CYP26B1: variants seen among roughly 807,000 people sequenced by gnomAD.
The protein encoded by CYP26B1 is cytochrome P450 family 26 subfamily B member 1, also known as cytochrome P450 26B1.
CYP26B1 carries 8 observed loss-of-function variants against 39.1 expected under a neutral mutation model. The observed-to-expected ratio is 0.20, with a 90% confidence interval of 0.12 to 0.37. The LOEUF (loss-of-function observed/expected upper bound fraction) is 0.37. Ranked by LOEUF, CYP26B1 falls within the 10% of genes least tolerant of loss-of-function variation. The pLI, the probability that CYP26B1 is intolerant of heterozygous loss-of-function variation, is 1.00. For synonymous variants in CYP26B1, 321 were observed against 314.3 expected, an observed-to-expected ratio of 1.02 and a Z score of -0.23; for missense variants, 615 against 707.0, an observed-to-expected ratio of 0.87 and a Z score of 1.48.
intron 2 of CYP26B1, among the ~76,000 whole-genome samples, chr2:72,136,267 G>A (rs1216279706): frequency 1.3e-5 from 2 of 152,192 alleles, no homozygotes; most frequent in East Asian, 3.8e-4. Flanking sequence ...AGGCTGGGAG[G>A]GGAGGGACAG....
chr2:72,137,586 C>T (rs930847958), intron 2 of CYP26B1, among the ~76,000 whole-genome samples: 17 of 152,238 alleles, frequency 1.1e-4, no homozygotes, highest in Admixed American at 2.0e-4. Flanking sequence ...CGCAGGGCCC[C>T]CACCTCACCC....
Position 72,131,368 on chromosome 2 carries a change from C to T in CYP26B1, c.*859G>A, listed in dbSNP as rs1676569336. ...CCTTCCTCTTCACTCACAGAAGTCT[C>T]GCCAGGACAGCTAGAACACAGGCTA... On this transcript the variant is annotated 3_prime_UTR_variant, in exon 6 of 6. Transcript: ENST00000001146. 6.6e-6 allele frequency: 1 copy of T among 152,260 alleles called. No individual in the cohort carries two copies. Among genetic ancestry groups the T allele is most frequent in the Non-Finnish European group, 1.5e-5 (1 of 68,078 alleles). 9.4% of individuals were successfully genotyped at this position (152,260 alleles called of 1,614,324 possible). A position where few individuals can be genotyped will look rare whatever the true frequency, so the allele number is the denominator to read the frequency against.
chr2:72,145,550 T>TG (rs1332195078), intron 1 of CYP26B1, among the ~76,000 whole-genome samples: 1 of 152,154 alleles, frequency 6.6e-6, no homozygotes, highest in Non-Finnish European at 1.5e-5. Flanking sequence ...ACAGAAGGGG[T>TG]GGTGAGGCGA....
In CYP26B1 at chr2:72,129,915, G is replaced by T. The variant is rs1676513396; in HGVS notation, c.*2312C>A. Reference sequence around the variant, plus strand: ...CAATTACAACACAGGGATCCTGTCAGCCAGCCAGAGCTTTCTTCAGCTCTC... The same window carrying T: ...CAATTACAACACAGGGATCCTGTCATCCAGCCAGAGCTTTCTTCAGCTCTC... On this transcript the variant is annotated 3_prime_UTR_variant, in exon 6 of 6. Coordinates refer to ENST00000001146, the MANE Select transcript of CYP26B1 (RefSeq NM_019885.4). The T allele has an allele frequency of 6.6e-6, 1 of 152,252 alleles. No individual in the cohort carries two copies. Among genetic ancestry groups the T allele is most frequent in the Non-Finnish European group, 1.5e-5 (1 of 68,086 alleles). The allele number at this position is 152,252 out of a possible 1,614,324, so 9.4% of individuals were successfully genotyped here.
intron 1 of CYP26B1, among the ~76,000 whole-genome samples, chr2:72,145,239 C>T (rs1292383882): frequency 6.6e-6 from 1 of 152,214 alleles, no homozygotes; most frequent in Admixed American, 6.5e-5. Flanking sequence ...CCGGGTTGGT[C>T]CCCCTCCTCA....
chr2:72,144,422 G>A (rs1411082257), intron 1 of CYP26B1: 18 of 1,365,594 alleles, frequency 1.3e-5, no homozygotes, highest in Non-Finnish European at 1.5e-5. Context: ...ATGCAAGGAG[G>A]CGGAGGCCCA....
At chr2:72,132,978 G>A (rs747768982) in intron 5 of CYP26B1, 45 bp downstream of exon 5, 1 of 1,612,178 alleles carries the variant, frequency 6.2e-7, no homozygotes, top group Non-Finnish European at 8.5e-7. Context: ...CTATCCCGGT[G>A]CCCCTGCTCC....
intron 5 of CYP26B1, 136 bp from the exon 6 acceptor site, chr2:72,132,755 C>A: frequency 6.8e-7 from 1 of 1,470,006 alleles, no homozygotes; most frequent in Non-Finnish European, 9.0e-7. Context: ...CTGTGGCCCC[C>A]AAGGCCTGGC....
At position 72,135,148 on chromosome 2, in the gene CYP26B1, C is replaced by T. The variant is rs757205343; in HGVS notation, c.701G>A (p.Arg234Gln). Residue 234 changes from arginine (R) to glutamine (Q), a missense_variant, in exon 3 of 6, where the codon CGG (arginine) becomes CAG (glutamine). Arg to Gln is a conservative substitution (Grantham distance 43, BLOSUM62 1). Coordinates refer to ENST00000001146, the MANE Select transcript of CYP26B1 (RefSeq NM_019885.4). ...TCCCAGGCCCTGGGTGCTCACCCGC[C>T]GGTAGCCACTGAAGGGCAGGTCGAC... ...LPVDLPFSGY[R>Q]RGIQARQILQ... The T allele has an allele frequency of 3.2e-5, 51 of 1,613,370 alleles. No homozygotes were observed. The East Asian group carries it at 4.5e-4, about 14-fold the overall frequency.
rs1259441817 is a variant in CYP26B1, at chr2:72,131,905, C to G, written c.*322G>C. 4.9e-6 allele frequency: 2 copies of G among 408,554 alleles called. No individual in the cohort carries two copies. Among genetic ancestry groups the G allele is most frequent in the African/African-American group, 4.0e-5 (2 of 49,426 alleles). The allele number at this position is 408,554 out of a possible 1,614,324, so 25.3% of individuals were successfully genotyped here. ...AAGGAACGGAGGGAAGGGAGCAGTTCAGAACATCACAAAAACACTGTAGCA... is the reference window on the plus strand; with the variant it reads ...AAGGAACGGAGGGAAGGGAGCAGTTGAGAACATCACAAAAACACTGTAGCA... On this transcript the variant is annotated 3_prime_UTR_variant, in exon 6 of 6. Coordinates refer to ENST00000001146, the MANE Select transcript of CYP26B1 (RefSeq NM_019885.4).
rs1676719454 is a variant in CYP26B1 at position 72,134,969 on chromosome 2, C to T, written c.706-53G>A. 1.9e-6 allele frequency: 3 copies of T among 1,608,448 alleles called. No individual in the cohort carries two copies. In the South Asian group the frequency reaches 3.3e-5, roughly 18 times the overall value. On this transcript the variant is annotated intron_variant, in intron 3 of 5. Transcript: ENST00000001146. ...TGGAAGGGCAGGCTCCCATCTGAGC[C>T]TCGGGACCACCAGGGACGACTCCAG...
In CYP26B1 at chr2:72,140,746, T is replaced by C. The variant is rs556688459; in HGVS notation, c.429+3243A>G. Among the ~76,000 whole-genome samples, 11 of 152,174 alleles carry C rather than the reference T, an allele frequency of 7.2e-5. No individual in the cohort carries two copies. The East Asian group carries it at 2.1e-3, about 30-fold the overall frequency. On this transcript the variant is annotated intron_variant, in intron 2 of 5. Transcript: ENST00000001146. ...AGATGGGGCCAAAGGTCAGGGATGG[T>C]GGGTGGACAGGCAGGGTTTCTTGAC...
At chr2:72,133,783 G>A (rs1676671744) in intron 4 of CYP26B1, among the ~76,000 whole-genome samples, 1 of 152,212 alleles carries the variant, frequency 6.6e-6, no homozygotes, top group African/African-American at 2.4e-5. Context: ...ACATTCAGTG[G>A]GTGATCAGGG....
At chr2:72,139,920 A>G (rs1426843747) in intron 2 of CYP26B1, among the ~76,000 whole-genome samples, 1 of 152,104 alleles carries the variant, frequency 6.6e-6, no homozygotes, top group Non-Finnish European at 1.5e-5. Flanking sequence ...CTCTACGGTG[A>G]AGTCCACTCT....
rs2104061405 is a variant in CYP26B1 at position 72,136,788 on chromosome 2, C to T, written c.430-1369G>A. The stretch of plus-strand genomic sequence containing the variant: ...TAAAGGCAATGCTTGTTTGCTTCAA[C>T]CCCCAACCCTCATGTCCTTAGGATT... On this transcript the variant is annotated intron_variant, in intron 2 of 5. Transcript: ENST00000001146. Among the ~76,000 whole-genome samples the T allele has an allele frequency of 2.0e-5, 3 of 152,330 alleles. No homozygotes were observed. In the Middle Eastern group the frequency reaches 0.01, roughly 518 times the overall value.
chr2:72,144,260 G>C (rs760010054), intron 1 of CYP26B1, 47 bp from the exon 2 acceptor site: 2 of 1,557,080 alleles, frequency 1.3e-6, no homozygotes, highest in East Asian at 2.3e-5. Context: ...CTTCTGCAGA[G>C]GGCCCGCGAG....
At position 72,133,225 on chromosome 2, in the gene CYP26B1, T is replaced by A. The variant is rs1572921982; in HGVS notation, c.944A>T (p.His315Leu). The A allele has an allele frequency of 1.2e-6, 2 of 1,612,256 alleles. No homozygotes were observed. Among genetic ancestry groups the A allele is most frequent in the East Asian group, 4.5e-5 (2 of 44,854 alleles). ...CCGCAGCTTCTCCAGCACAGTGGGG[T>A]GCTTCAGCAGCTGCATGATGAGTGA... ...STSLIMQLLK[H>L]PTVLEKLRDE... is the part of the protein sequence containing the mutation. The change falls in exon 5 of 6, where the codon CAC becomes CTC. Residue 315 changes from histidine (H) to leucine (L), a missense_variant. Transcript: ENST00000001146.
chr2:72,129,240 G>A lies in CYP26B1; in HGVS notation c.*2987C>T, dbSNP rs964030697. 3.3e-5 allele frequency: 5 copies of A among 152,292 alleles called. No homozygotes were observed. Among genetic ancestry groups the A allele is most frequent in the African/African-American group, 4.8e-5 (2 of 41,462 alleles). 9.4% of individuals were successfully genotyped at this position (152,292 alleles called of 1,614,324 possible). A position where few individuals can be genotyped will look rare whatever the true frequency, so the allele number is the denominator to read the frequency against. ...GCAGAGACGCAACGGAGACAAGGGC[G>A]GGTCCCCACGGTTTATTCTAGAAGC... On this transcript the variant is annotated 3_prime_UTR_variant, in exon 6 of 6. Transcript: ENST00000001146.
intron 2 of CYP26B1, among the ~76,000 whole-genome samples, chr2:72,143,257 G>A (rs1677000569): frequency 6.6e-6 from 1 of 152,214 alleles, no homozygotes; most frequent in Non-Finnish European, 1.5e-5. Context: ...CGCCAGCGCT[G>A]GGAGCCTAGC....
Sources: gnomAD v4.1 joint callset for allele counts (sites outside exome capture counted in the v4.1 genomes callset) on GRCh38, gnomAD v4.1.1 for gene constraint, MANE v1.5 for transcripts, NCBI Gene and HGNC (gene_info 2026-07-23, HGNC 2026-07-21) for gene names.